Variants in MYB observed in about 807,000 individuals in gnomAD.
MYB encodes the protein transcriptional activator Myb.
MYB carries 28 observed loss-of-function variants against 92.9 expected under a neutral mutation model. The observed-to-expected ratio is 0.30, with a 90% CI of 0.22 to 0.41. MYB has a LOEUF of 0.41. MYB is among the 10% of genes least tolerant of loss of function. The pLI is 1.00. For missense variants in MYB, 679 were observed against 929.3 expected (o/e 0.73, Z 3.50); for synonymous variants, 295 against 329.1 (o/e 0.90, Z 1.12).
In MYB at chr6:135,200,094, C is replaced by T; in HGVS notation, c.1719C>T (p.Thr573=). 1 of 1,613,440 alleles carries T rather than the reference C, an allele frequency of 6.2e-7. No homozygotes were observed. The highest frequency in any genetic ancestry group is 8.5e-7 in the Non-Finnish European group (1 of 1,179,468). ...TGTTTTCTTTTTAAAGTTTTAGAAC[C>T]CCAGCTATCAAAAGGTCAATCTTAG... The part of the protein sequence containing the change: ...KTQKENTVFR[T]PAIKRSILES... The change falls in exon 12 of 16, where the codon ACC becomes ACT. Residue 573 remains threonine (T), a synonymous_variant. Coordinates refer to ENST00000341911, the MANE Select transcript of MYB (RefSeq NM_001130173.2).
intron 15 of MYB, among the ~76,000 whole-genome samples, chr6:135,209,512 G>T (rs1342799005): frequency 2.0e-5 from 3 of 152,188 alleles, no homozygotes; most frequent in Non-Finnish European, 4.4e-5. Context: ...AGGATTACAG[G>T]CGTGAGCTGC....
At position 135,182,820 on chromosome 6, in the gene MYB, G is replaced by A. The variant is rs1775279329; in HGVS notation, c.23+1284G>A. Reference sequence around the variant, plus strand: ...GGGTGGAGACCCTGCAGCAGCACCCGCGGGCTGGGCTGGGCGGGGAGCAGC... The same window carrying A: ...GGGTGGAGACCCTGCAGCAGCACCCACGGGCTGGGCTGGGCGGGGAGCAGC... On this transcript the variant is annotated intron_variant, in intron 1 of 15. Transcript: ENST00000341911. This position sits in a 1 kb window ranked among gnomAD's most constrained non-coding sequence, Gnocchi z 5.6. Among the ~76,000 whole-genome samples, 1 of 152,134 alleles carries A rather than the reference G, an allele frequency of 6.6e-6. No homozygotes were observed. Among genetic ancestry groups the A allele is most frequent in the Non-Finnish European group, 1.5e-5 (1 of 68,008 alleles).
chr6:135,203,827 T>C (rs1385689303), intron 15 of MYB: 1 of 1,270,716 alleles, frequency 7.9e-7, no homozygotes, highest in African/African-American at 1.5e-5. Flanking sequence ...CTGTCAATGT[T>C]GTGAGGCCGA....
intron 15 of MYB, among the ~76,000 whole-genome samples, chr6:135,215,732 A>G (rs1780342577): frequency 6.6e-6 from 1 of 151,792 alleles, no homozygotes; most frequent in Non-Finnish European, 1.5e-5. Flanking sequence ...CGCTCCCTGG[A>G]TGACATCCCT....
At chr6:135,199,240 G>A (rs1464499952) in intron 11 of MYB, among the ~76,000 whole-genome samples, 190 bp downstream of exon 11, 1 of 152,040 alleles carries the variant, frequency 6.6e-6, no homozygotes, top group Non-Finnish European at 1.5e-5. Context: ...GGTAGAAGAT[G>A]GGAAGATAAA....
At chr6:135,215,136 A>G (rs1358812558) in intron 15 of MYB, among the ~76,000 whole-genome samples, 1 of 152,226 alleles carries the variant, frequency 6.6e-6, no homozygotes, top group Non-Finnish European at 1.5e-5. Context: ...GTGCCCTAGG[A>G]AAGTTTAAAA....
chr6:135,194,067 A>C, intron 7 of MYB, 149 bp downstream of exon 7: 1 of 662,250 alleles, frequency 1.5e-6, no homozygotes, highest in East Asian at 2.7e-5. Context: ...GCAATCTATT[A>C]ATCTTGTCTT....
Position 135,218,774 on chromosome 6 carries a change from T to C in MYB, c.*794T>C. On this transcript the variant is annotated 3_prime_UTR_variant, in exon 16 of 16. Transcript: ENST00000341911. ...CTTTTTAATTTTATATATATATACA[T>C]TTTTTTTCCTTCTGCAATACATTTG... 1 of 203,122 alleles carries C rather than the reference T, an allele frequency of 4.9e-6. No individual in the cohort carries two copies. Among genetic ancestry groups the C allele is most frequent in the East Asian group, 7.5e-5 (1 of 13,266 alleles). The allele number at this position is 203,122 out of a possible 1,614,324, so 12.6% of individuals were successfully genotyped here. A position where few individuals can be genotyped will look rare whatever the true frequency, so the allele number is the denominator to read the frequency against.
rs767332256 is a variant in MYB, at chr6:135,190,168, T to G, written c.348T>G (p.Ser116=). 9 of 1,614,102 alleles carry G rather than the reference T, an allele frequency of 5.6e-6. No homozygotes were observed. Among genetic ancestry groups the G allele is most frequent in the Non-Finnish European group, 7.6e-6 (9 of 1,180,038 alleles). ...LVQKYGPKRW[S]VIAKHLKGRI... is the part of the protein sequence containing the mutation. ...AGAAATACGGTCCGAAACGTTGGTCTGTTATTGCCAAGCACTTAAAGGGGA... is the reference window on the plus strand; with the variant it reads ...AGAAATACGGTCCGAAACGTTGGTCGGTTATTGCCAAGCACTTAAAGGGGA... The change falls in exon 5 of 16, where the codon TCT becomes TCG. Residue 116 remains serine, a synonymous_variant. Transcript: ENST00000341911. This position sits in a 1 kb window ranked among gnomAD's most constrained non-coding sequence, Gnocchi z 4.5.
At chr6:135,195,357 C>G in intron 8 of MYB, 2 of 177,544 alleles carry the variant, frequency 1.1e-5, no homozygotes, top group African/African-American at 2.6e-5. Context: ...CCTGAGTCCT[C>G]TAGCTTTTTT....
chr6:135,187,592 A>G (rs1776088584), intron 2 of MYB, among the ~76,000 whole-genome samples: 1 of 152,194 alleles, frequency 6.6e-6, no homozygotes, highest in Non-Finnish European at 1.5e-5. Flanking sequence ...TGGCAATACT[A>G]AGGCCCAGAA....
intron 15 of MYB, among the ~76,000 whole-genome samples, chr6:135,209,224 A>G (rs1040217748): frequency 6.6e-6 from 1 of 152,062 alleles, no homozygotes; most frequent in Non-Finnish European, 1.5e-5. Flanking sequence ...TGTCATTGAG[A>G]TACAAATAAT....
chr6:135,189,656 T>A, intron 3 of MYB, 135 bp from the exon 4 acceptor site: 1 of 663,948 alleles, frequency 1.5e-6, no homozygotes, highest in Non-Finnish European at 2.6e-6. Flanking sequence ...GAGGGATAGA[T>A]GGGCTCTAAA....
intron 8 of MYB, chr6:135,194,785 T>C (rs1280911959): frequency 1.6e-6 from 1 of 644,038 alleles, no homozygotes; most frequent in Non-Finnish European, 2.5e-6. Context: ...TACAGAGCTA[T>C]GTATCTATAT....
At chr6:135,200,891 A>C (rs1777983128) in intron 13 of MYB, among the ~76,000 whole-genome samples, 2 of 152,138 alleles carry the variant, frequency 1.3e-5, no homozygotes, top group Admixed American at 1.3e-4. Flanking sequence ...ATCCTGGCTA[A>C]CATGGTGAAA....
rs1435053541 is a variant in MYB, at chr6:135,190,448, C to T, written c.527+101C>T. ...GGTGAGTAAATTATATTTCATCAGT[C>T]GTAAGTGTTTTATTAGATAAACCAG... On this transcript the variant is annotated intron_variant, in intron 5 of 15. Transcript: ENST00000341911. This position sits in a 1 kb window ranked among gnomAD's most constrained non-coding sequence, Gnocchi z 4.5. 19 of 916,442 alleles carry T rather than the reference C, an allele frequency of 2.1e-5. No individual in the cohort carries two copies. Among genetic ancestry groups the T allele is most frequent in the Middle Eastern group, 5.2e-4 (2 of 3,854 alleles). The allele number at this position is 916,442 out of a possible 1,614,324, so 56.8% of individuals were successfully genotyped here. A position where few individuals can be genotyped will look rare whatever the true frequency, so the allele number is the denominator to read the frequency against.
chr6:135,194,972 T>C (rs753704664), intron 8 of MYB: 11 of 1,338,442 alleles, frequency 8.2e-6, no homozygotes, highest in Non-Finnish European at 1.1e-5. Context: ...ATGTGGGCCA[T>C]TACTGAATTC....
chr6:135,200,679 T>C (rs1777946147), intron 13 of MYB: 1 of 479,412 alleles, frequency 2.1e-6, no homozygotes, highest in Non-Finnish European at 3.8e-6. Context: ...AAAGAGGTTT[T>C]TAATGTACTT....
At position 135,193,910 on chromosome 6, in the gene MYB, G is replaced by A. The variant is rs749049169; in HGVS notation, c.835G>A (p.Ala279Thr). The A allele has an allele frequency of 6.2e-7, 1 of 1,605,306 alleles. No homozygotes were observed. ...IVNVPQPAAA[A>T]IQRHYNDEDP... ...CAATGTCCCTCAGCCAGCTGCCGCA[G>A]CCATTCAGGTAAGATCATTGATCAT... The change falls in exon 7 of 16, where the codon GCC becomes ACC. Residue 279 changes from alanine (A) to threonine (T), a missense_variant. Ala to Thr is a moderately conservative substitution (Grantham distance 58). Transcript: ENST00000341911.
Sources: gnomAD v4.1 joint callset for allele counts (sites outside exome capture counted in the v4.1 genomes callset) on GRCh38, gnomAD v4.1.1 for gene constraint, Gnocchi (gnomAD v3.1) non-coding constraint, MANE v1.5 for transcripts, NCBI Gene and HGNC (gene_info 2026-07-23, HGNC 2026-07-21) for gene names.